The following SNTB2 variants were observed in gnomAD, a reference collection of about 807,000 sequenced individuals.
SNTB2 encodes the protein beta-2-syntrophin.
SNTB2 carries 34 observed loss-of-function variants against 46.2 expected under a neutral mutation model. The observed-to-expected ratio is 0.74, with a 90% confidence interval of 0.56 to 0.98. The LOEUF (loss-of-function observed/expected upper bound fraction) is 0.98. Among genes scored for constraint, SNTB2 ranks in the 50% least tolerant of loss-of-function variants. SNTB2 has a pLI of 0.00. For missense variants in SNTB2, 603 were observed against 731.4 expected (o/e 0.82, Z 2.02); for synonymous variants, 290 against 312.6 (o/e 0.93, Z 0.76).
At chr16:69,232,290 C>G (rs1266681552) in intron 1 of SNTB2, among the ~76,000 whole-genome samples, 1 of 150,178 alleles carries the variant, frequency 6.7e-6, no homozygotes, top group Non-Finnish European at 1.5e-5. Context: ...ACTGCAACCT[C>G]TGCCTCCTAG....
chr16:69,253,627 C>T lies in SNTB2; in HGVS notation c.795-6423C>T, dbSNP rs575184576. On this transcript the variant is annotated intron_variant, in intron 2 of 6. Transcript: ENST00000336278. Reference sequence around the variant, plus strand: ...TTGTGCCACTGCACTCCAGCCTGGGCGACAGAGCAAGACTCTGTCTCAAAA... The same window carrying T: ...TTGTGCCACTGCACTCCAGCCTGGGTGACAGAGCAAGACTCTGTCTCAAAA... 2.6e-5 allele frequency among the ~76,000 whole-genome samples: 4 copies of T among 152,124 alleles called. No individual in the cohort carries two copies. In the East Asian group the frequency reaches 5.8e-4, roughly 22 times the overall value.
At chr16:69,290,594 C>T (rs1449960143) in intron 5 of SNTB2, among the ~76,000 whole-genome samples, 3 of 152,054 alleles carry the variant, frequency 2.0e-5, no homozygotes, top group Non-Finnish European at 2.9e-5. Context: ...TTTTACTCAT[C>T]GGTTTGGCAA....
chr16:69,206,144 G>A (rs546779939), intron 1 of SNTB2, among the ~76,000 whole-genome samples: 5 of 152,182 alleles, frequency 3.3e-5, no homozygotes, highest in African/African-American at 4.8e-5. Context: ...TTACAGGAGC[G>A]TGCCACCACT....
At chr16:69,233,941 C>A (rs1055773529) in intron 1 of SNTB2, among the ~76,000 whole-genome samples, 3 of 152,182 alleles carry the variant, frequency 2.0e-5, no homozygotes. Flanking sequence ...TGTGCCCCTG[C>A]AGTCCCGCCT....
intron 3 of SNTB2, among the ~76,000 whole-genome samples, chr16:69,266,890 TA>T (rs1197524782): frequency 1.3e-5 from 2 of 152,082 alleles, no homozygotes; most frequent in Non-Finnish European, 2.9e-5. Flanking sequence ...CTGATTTTCG[TA>T]TTTTTTGTGG....
At chr16:69,188,408 C>A (rs1964016265) in intron 1 of SNTB2, among the ~76,000 whole-genome samples, 1 of 152,198 alleles carries the variant, frequency 6.6e-6, no homozygotes, top group Non-Finnish European at 1.5e-5. Context: ...AGCTTCCTAC[C>A]ACTCACAGGC....
At chr16:69,249,745 G>A (rs150463917) in intron 2 of SNTB2, among the ~76,000 whole-genome samples, 12 of 152,196 alleles carry the variant, frequency 7.9e-5, no homozygotes, top group South Asian at 2.1e-4. Flanking sequence ...GAAGATCCAC[G>A]CTAGTTTTGA....
At chr16:69,215,494 GATA>G (rs1299681376) in intron 1 of SNTB2, among the ~76,000 whole-genome samples, 7 of 152,178 alleles carry the variant, frequency 4.6e-5, no homozygotes, top group African/African-American at 1.7e-4. Flanking sequence ...TTGTTACTGA[GATA>G]ATGTTTGTTT....
At chr16:69,227,720 G>A (rs79578022) in intron 1 of SNTB2, among the ~76,000 whole-genome samples, 3,528 of 152,208 alleles carry the variant, frequency 0.023, 138 homozygotes, top group African/African-American at 0.08. Flanking sequence ...GACATATGGC[G>A]GATGCCATGT....
At chr16:69,274,419 C>T (rs1203816983) in intron 4 of SNTB2, among the ~76,000 whole-genome samples, 1 of 151,510 alleles carries the variant, frequency 6.6e-6, no homozygotes, top group Non-Finnish European at 1.5e-5. Context: ...TTTGGGAGGC[C>T]ACGGCGGGTG....
At position 69,303,093 on chromosome 16, in the gene SNTB2, C is replaced by T. The variant is rs1410335702; in HGVS notation, c.*2169C>T. 5 of 152,204 alleles carry T rather than the reference C, an allele frequency of 3.3e-5. No homozygotes were observed. The East Asian group carries it at 9.6e-4, about 29-fold the overall frequency. 9.4% of individuals were successfully genotyped at this position (152,204 alleles called of 1,614,324 possible). On this transcript the variant is annotated 3_prime_UTR_variant, in exon 7 of 7. Coordinates refer to ENST00000336278, the MANE Select transcript of SNTB2 (RefSeq NM_006750.4). Reference sequence around the variant, plus strand: ...TGTTGGCTAGGCTGGTCTTGAACTCCCGACCTCAAGTGATCCACCTGCCTT... The same window carrying T: ...TGTTGGCTAGGCTGGTCTTGAACTCTCGACCTCAAGTGATCCACCTGCCTT...
chr16:69,285,951 C>G (rs1965098694), intron 5 of SNTB2, among the ~76,000 whole-genome samples: 1 of 152,094 alleles, frequency 6.6e-6, no homozygotes, highest in Non-Finnish European at 1.5e-5. Flanking sequence ...TGCCATCATA[C>G]CCAGCTAAGT....
At chr16:69,218,366 A>G (rs372136136) in intron 1 of SNTB2, among the ~76,000 whole-genome samples, 2 of 152,072 alleles carry the variant, frequency 1.3e-5, no homozygotes, top group African/African-American at 4.8e-5. Flanking sequence ...TTCTAAAATG[A>G]CAGTATTCTT....
intron 1 of SNTB2, among the ~76,000 whole-genome samples, chr16:69,236,974 G>T (rs914439417): frequency 6.6e-6 from 1 of 152,194 alleles, no homozygotes; most frequent in Non-Finnish European, 1.5e-5. Context: ...CCTGGGTGGC[G>T]AGAAAGATGA....
intron 5 of SNTB2, among the ~76,000 whole-genome samples, chr16:69,294,669 G>T (rs1965205800): frequency 6.6e-6 from 1 of 152,020 alleles, no homozygotes; most frequent in Admixed American, 6.6e-5. Flanking sequence ...GGAGGCGGAG[G>T]TTGCAGTGAG....
intron 2 of SNTB2, among the ~76,000 whole-genome samples, chr16:69,257,414 CTTATTTATTTATTTATTTATTTAT>C (rs35232643): frequency 7.0e-6 from 1 of 142,280 alleles, no homozygotes; most frequent in Admixed American, 7.1e-5. Flanking sequence ...GTTCATGACT[CTTATTTATTTATTTATTTATTTAT>C]TTATTTATTT....
chr16:69,290,985 G>A (rs1965154447), intron 5 of SNTB2, among the ~76,000 whole-genome samples: 1 of 152,188 alleles, frequency 6.6e-6, no homozygotes. Flanking sequence ...GAATGTTTTA[G>A]TATTTATCAA....
intron 1 of SNTB2, among the ~76,000 whole-genome samples, chr16:69,223,051 T>A (rs1964422292): frequency 6.6e-6 from 1 of 152,124 alleles, no homozygotes; most frequent in Non-Finnish European, 1.5e-5. Flanking sequence ...CCTGAAGTAC[T>A]TGTGAGCCAC....
intron 1 of SNTB2, among the ~76,000 whole-genome samples, chr16:69,197,848 A>G (rs941042019): frequency 1.3e-5 from 2 of 152,204 alleles, no homozygotes; most frequent in African/African-American, 4.8e-5. Flanking sequence ...AACCACTAGT[A>G]GTGTAGATAA....
Sources: gnomAD v4.1 joint callset for allele counts (sites outside exome capture counted in the v4.1 genomes callset) on GRCh38, gnomAD v4.1.1 for gene constraint, MANE v1.5 for transcripts, NCBI Gene and HGNC (gene_info 2026-07-23, HGNC 2026-07-21) for gene names.